Variants in PDE4D observed in about 807,000 individuals in gnomAD.
PDE4D encodes 3',5'-cyclic-AMP phosphodiesterase 4D.
Under a neutral mutation model 87.4 loss-of-function variants are expected in PDE4D, and 24 were observed. The ratio of observed to expected loss-of-function variants is 0.27; its 90% CI spans 0.20 to 0.39. The LOEUF (loss-of-function observed/expected upper bound fraction) is 0.39, where lower values mean the gene tolerates loss of function less well. Among genes scored for constraint, PDE4D ranks in the 10% least tolerant of loss-of-function variants. The pLI is 1.00. For missense variants in PDE4D, 714 were observed against 1,041.0 expected, an observed-to-expected ratio of 0.69 and a Z score of 4.32; for synonymous variants, 384 against 383.2, an observed-to-expected ratio of 1.00 and a Z score of -0.02.
At chr5:59,824,730 C>T (rs890348170) in intron 1 of PDE4D, among the ~76,000 whole-genome samples, 3 of 152,086 alleles carry the variant, frequency 2.0e-5, no homozygotes, top group African/African-American at 7.2e-5. Context: ...TGCCCAGCTC[C>T]CCTCTGGCAT....
chr5:60,109,494 A>T (rs1397943864), intron 2 of PDE4D, among the ~76,000 whole-genome samples: 1 of 151,108 alleles, frequency 6.6e-6, no homozygotes, highest in Non-Finnish European at 1.5e-5. Context: ...CATTTGACCC[A>T]GCCATCCCAT....
chr5:59,096,558 T>C lies in PDE4D; in HGVS notation c.809-57587A>G, dbSNP rs573413861. 3.3e-5 allele frequency among the ~76,000 whole-genome samples: 5 copies of C among 152,302 alleles called. 1 individual carries two copies. The South Asian group carries it at 1.0e-3, about 32-fold the overall frequency. On this transcript the variant is annotated intron_variant, in intron 5 of 14. Transcript: ENST00000340635. ...ATACCCTTAATTATGTGGGAGCTACTAGAAAGAGATGCTCTCTTTTTTTGT... is the reference window on the plus strand; with the variant it reads ...ATACCCTTAATTATGTGGGAGCTACCAGAAAGAGATGCTCTCTTTTTTTGT...
At chr5:60,310,028 T>A (rs1306946646) in intron 1 of PDE4D, among the ~76,000 whole-genome samples, 1 of 152,168 alleles carries the variant, frequency 6.6e-6, no homozygotes, top group East Asian at 1.9e-4. Context: ...TGGAAATGAA[T>A]TGATTTGTGA....
chr5:59,720,170 C>CT (rs892618450), intron 1 of PDE4D, among the ~76,000 whole-genome samples: 3 of 152,116 alleles, frequency 2.0e-5, no homozygotes, highest in East Asian at 3.9e-4. Context: ...AAAATGCTCA[C>CT]TTTTTTTAAG....
chr5:59,646,684 T>C (rs1742498017), intron 1 of PDE4D, among the ~76,000 whole-genome samples: 1 of 152,146 alleles, frequency 6.6e-6, no homozygotes, highest in Non-Finnish European at 1.5e-5. Context: ...CACAAACATA[T>C]AAACTAGCAA....
At chr5:59,922,414 G>T (rs1379882177) in intron 3 of PDE4D, among the ~76,000 whole-genome samples, 1 of 152,102 alleles carries the variant, frequency 6.6e-6, no homozygotes, top group Non-Finnish European at 1.5e-5. Context: ...CCAACCCTAG[G>T]CAGAGCAGCT....
intron 1 of PDE4D, among the ~76,000 whole-genome samples, chr5:59,452,068 ATTC>A (rs974377059): frequency 1.3e-5 from 2 of 152,078 alleles, no homozygotes; most frequent in African/African-American, 4.8e-5. Flanking sequence ...TTTGTTTGTG[ATTC>A]TTTTTTTTAG....
rs570453070 is a variant in PDE4D at position 60,353,349 on chromosome 5, C to T, written c.-90+134593G>A. On this transcript the variant is annotated intron_variant, in intron 1 of 16. Coordinates refer to the PDE4D transcript ENST00000502484. ...CAAATCATACACTCCTCACTGTGTT[C>T]CTCACCAGCACAGGTGATACCTTAC... Among the ~76,000 whole-genome samples, 3 of 152,354 alleles carry T rather than the reference C, an allele frequency of 2.0e-5. No homozygotes were observed. In the South Asian group the frequency reaches 6.2e-4, roughly 32 times the overall value.
intron 2 of PDE4D, among the ~76,000 whole-genome samples, chr5:60,061,268 G>A (rs1431657084): frequency 1.3e-5 from 2 of 152,062 alleles, no homozygotes; most frequent in Admixed American, 6.6e-5. Flanking sequence ...AAAATCACAA[G>A]CATTTCTTTA....
chr5:59,649,902 AACCTT>A (rs1170527070), intron 1 of PDE4D, among the ~76,000 whole-genome samples: 2,615 of 43,784 alleles, frequency 0.06, 329 homozygotes, highest in Non-Finnish European at 0.085. Flanking sequence ...ATAGTTTGTG[AACCTT>A]TTTTTTTTTT....
intron 1 of PDE4D, among the ~76,000 whole-genome samples, chr5:60,198,592 G>C (rs180777670): frequency 6.6e-6 from 1 of 151,564 alleles, no homozygotes; most frequent in Non-Finnish European, 1.5e-5. Flanking sequence ...ACATGTCAGC[G>C]TATATAACCA....
intron 1 of PDE4D, among the ~76,000 whole-genome samples, chr5:60,237,460 T>C (rs554209336): frequency 1.3e-5 from 2 of 152,148 alleles, no homozygotes; most frequent in South Asian, 2.1e-4. Flanking sequence ...ATACAACAGC[T>C]TGGAGGATCT....
At chr5:59,926,373 G>C (rs1298753974) in intron 3 of PDE4D, among the ~76,000 whole-genome samples, 2 of 151,734 alleles carry the variant, frequency 1.3e-5, no homozygotes, top group Non-Finnish European at 2.9e-5. Flanking sequence ...AGTAATAAGA[G>C]GGCAGTTTAT....
In PDE4D at chr5:59,053,645, G is replaced by GTTT. The variant is rs1338731940; in HGVS notation, c.809-14677_809-14675dup. On this transcript the variant is annotated intron_variant, in intron 5 of 14. Transcript: ENST00000340635. ...TATGAATTAAGTTGTTTTGTTTTTT[G>GTTT]TTTTTTTTTGTTGTTGTTTTTTTTT... is the stretch of plus-strand genomic sequence containing the variant. 8.0e-3 allele frequency among the ~76,000 whole-genome samples: 548 copies of GTTT among 68,690 alleles called. 37 individuals carry two copies. Among genetic ancestry groups the GTTT allele is most frequent in the East Asian group, 0.014 (23 of 1,610 alleles). The allele number at this position is 68,690 out of a possible 152,430, so 45.1% of individuals were successfully genotyped here. A position where few individuals can be genotyped will look rare whatever the true frequency, so the allele number is the denominator to read the frequency against.
intron 2 of PDE4D, among the ~76,000 whole-genome samples, chr5:60,135,193 C>G (rs565837746): frequency 2.0e-5 from 3 of 152,148 alleles, no homozygotes; most frequent in Non-Finnish European, 4.4e-5. Flanking sequence ...ACCATGTAGA[C>G]ACAACTATAA....
intron 1 of PDE4D, among the ~76,000 whole-genome samples, chr5:60,474,191 T>G (rs1748128214): frequency 7.7e-6 from 1 of 129,702 alleles, no homozygotes; most frequent in Non-Finnish European, 1.6e-5. Flanking sequence ...CAACAGAAAT[T>G]TATTGCTTAT....
intron 1 of PDE4D, among the ~76,000 whole-genome samples, chr5:59,838,606 G>A (rs1478188183): frequency 2.6e-5 from 4 of 151,976 alleles, no homozygotes; most frequent in African/African-American, 9.7e-5. Flanking sequence ...TTACCAACTC[G>A]TTTAACACTT....
intron 1 of PDE4D, among the ~76,000 whole-genome samples, chr5:59,890,664 G>T (rs1057097648): frequency 2.0e-5 from 3 of 152,122 alleles, no homozygotes; most frequent in African/African-American, 7.2e-5. Flanking sequence ...ATTTATTTAA[G>T]GTGGGCTCAC....
At chr5:60,192,015 AT>A (rs1429871873) in intron 1 of PDE4D, among the ~76,000 whole-genome samples, 1 of 152,148 alleles carries the variant, frequency 6.6e-6, no homozygotes, top group Non-Finnish European at 1.5e-5. Context: ...ATATATATAT[AT>A]TTAAGTTTGA....
Sources: gnomAD v4.1 joint callset for allele counts (sites outside exome capture counted in the v4.1 genomes callset) on GRCh38, gnomAD v4.1.1 for gene constraint, MANE v1.5 for transcripts, NCBI Gene and HGNC (gene_info 2026-07-23, HGNC 2026-07-21) for gene names.